SGCZ: variants seen among roughly 807,000 people sequenced by gnomAD.
The protein encoded by SGCZ is zeta-sarcoglycan.
A neutral mutation model predicts 41.3 loss-of-function variants in SGCZ; 40 were observed. The ratio of observed to expected loss-of-function variants is 0.97; its 90% CI spans 0.75 to 1.26. SGCZ has a LOEUF of 1.26. Ranked by LOEUF, SGCZ falls within the 50% of genes most tolerant of loss-of-function variation. The probability of loss-of-function intolerance (pLI) is 0.00; values close to 1 mark genes in which losing one functional copy is unlikely to be tolerated. For missense variants in SGCZ, 552 were observed against 369.8 expected, an observed-to-expected ratio of 1.49 and a Z score of -4.04; for synonymous variants, 206 against 137.5, an observed-to-expected ratio of 1.50 and a Z score of -3.49.
chr8:14,120,581 T>C (rs1802667372), intron 5 of SGCZ, among the ~76,000 whole-genome samples: 1 of 152,096 alleles, frequency 6.6e-6, no homozygotes, highest in African/African-American at 2.4e-5. Context: ...ATCTATAATA[T>C]GTATATTGTT....
chr8:15,085,009 C>T (rs1805897834), intron 1 of SGCZ, among the ~76,000 whole-genome samples: 1 of 152,084 alleles, frequency 6.6e-6, no homozygotes, highest in African/African-American at 2.4e-5. Flanking sequence ...TACTATTTGC[C>T]AAGTGACCAT....
At chr8:14,636,555 A>C (rs977941282) in intron 1 of SGCZ, among the ~76,000 whole-genome samples, 4 of 151,942 alleles carry the variant, frequency 2.6e-5, no homozygotes, top group Admixed American at 6.6e-5. Context: ...TTAGATGAAT[A>C]GGCTGTCAAT....
intron 1 of SGCZ, among the ~76,000 whole-genome samples, chr8:14,805,246 A>G (rs1419771607): frequency 2.6e-5 from 2 of 77,500 alleles, no homozygotes; most frequent in East Asian, 4.4e-4. Flanking sequence ...CTTTAAATGT[A>G]AATGGACTAA....
intron 1 of SGCZ, among the ~76,000 whole-genome samples, chr8:14,919,528 T>C (rs1799530269): frequency 6.6e-6 from 1 of 152,160 alleles, no homozygotes; most frequent in Non-Finnish European, 1.5e-5. Context: ...AGCACATAAG[T>C]AGAGTCACAT....
chr8:14,113,953 T>A (rs1802447540), intron 5 of SGCZ, among the ~76,000 whole-genome samples: 2 of 152,070 alleles, frequency 1.3e-5, no homozygotes, highest in Admixed American at 1.3e-4. Flanking sequence ...AAGATCTGAA[T>A]CTAAATTATA....
chr8:14,983,192 C>T (rs201696749), intron 1 of SGCZ, among the ~76,000 whole-genome samples: 48 of 135,148 alleles, frequency 3.6e-4, no homozygotes, highest in Non-Finnish European at 4.7e-4. Context: ...TTTCTTTTTT[C>T]TTTTTTTTTT....
At chr8:15,130,914 T>C (rs1807873240) in intron 1 of SGCZ, among the ~76,000 whole-genome samples, 3 of 152,206 alleles carry the variant, frequency 2.0e-5, no homozygotes. Flanking sequence ...ATCCATTTTA[T>C]ATTATTTATT....
In SGCZ at chr8:14,850,678, A is replaced by T. The variant is rs371099566; in HGVS notation, c.40-295752T>A. Among the ~76,000 whole-genome samples the T allele has an allele frequency of 1.2e-4, 18 of 152,300 alleles. No homozygotes were observed. In the South Asian group the frequency reaches 3.7e-3, roughly 32 times the overall value. ...GGCTTTGTGTACCCACCCAAATCTCATCTTGAATTGTAATCCTCATAATCT... is the reference window on the plus strand; with the variant it reads ...GGCTTTGTGTACCCACCCAAATCTCTTCTTGAATTGTAATCCTCATAATCT... On this transcript the variant is annotated intron_variant, in intron 1 of 7. Transcript: ENST00000382080.
intron 2 of SGCZ, among the ~76,000 whole-genome samples, chr8:14,498,216 G>A (rs1159121909): frequency 6.6e-6 from 1 of 152,040 alleles, no homozygotes; most frequent in African/African-American, 2.4e-5. Context: ...AACTTTGTAT[G>A]CCAGCCTTTG....
At chr8:14,409,208 A>G (rs1173627519) in intron 2 of SGCZ, among the ~76,000 whole-genome samples, 2 of 152,158 alleles carry the variant, frequency 1.3e-5, no homozygotes, top group African/African-American at 4.8e-5. Context: ...GCATTTACTT[A>G]TACTAGAAAA....
At chr8:15,066,823 A>G (rs752776603) in intron 1 of SGCZ, among the ~76,000 whole-genome samples, 5 of 152,206 alleles carry the variant, frequency 3.3e-5, no homozygotes, top group African/African-American at 1.2e-4. Context: ...ACTAAGCCCA[A>G]TACATTATCA....
At chr8:14,615,064 A>G (rs11203645) in intron 1 of SGCZ, among the ~76,000 whole-genome samples, 126,907 of 151,950 alleles carry the variant, frequency 0.84, 53,360 homozygotes, top group East Asian at 0.88. Flanking sequence ...GAATTTTGTG[A>G]AAGTTTAACA....
chr8:14,772,628 T>A (rs1800281086), intron 1 of SGCZ, among the ~76,000 whole-genome samples: 1 of 135,932 alleles, frequency 7.4e-6, no homozygotes, highest in Non-Finnish European at 1.5e-5. Flanking sequence ...CCTTCCTGGG[T>A]CCATGTGTTC....
intron 2 of SGCZ, among the ~76,000 whole-genome samples, chr8:14,489,500 T>C (rs6992267): frequency 0.022 from 3,284 of 152,238 alleles, 124 homozygotes; most frequent in African/African-American, 0.074. Flanking sequence ...TGTGAGTGCA[T>C]GTGCCTGTGG....
intron 2 of SGCZ, among the ~76,000 whole-genome samples, chr8:14,553,705 G>C (rs1178742045): frequency 1.3e-5 from 2 of 152,108 alleles, no homozygotes; most frequent in Non-Finnish European, 2.9e-5. Flanking sequence ...GTGTTTCCGA[G>C]TTAGAATTAA....
intron 1 of SGCZ, among the ~76,000 whole-genome samples, chr8:14,922,081 G>A (rs186621560): frequency 3.2e-4 from 48 of 152,140 alleles, no homozygotes; most frequent in African/African-American, 1.0e-3. Context: ...CAAGCCAAGT[G>A]GTGCTTAATC....
intron 2 of SGCZ, among the ~76,000 whole-genome samples, chr8:14,507,746 T>C (rs1802346159): frequency 7.2e-6 from 1 of 139,480 alleles, no homozygotes; most frequent in South Asian, 2.2e-4. Context: ...ATTGCTGTTT[T>C]TGTTTGTTTG....
chr8:14,308,898 G>T (rs1801432871), intron 3 of SGCZ: 1 of 446,878 alleles, frequency 2.2e-6, no homozygotes, highest in Admixed American at 3.9e-5. Context: ...TATTCGCAAA[G>T]AAATACATTT....
chr8:14,588,972 G>T (rs1003131796), intron 1 of SGCZ, among the ~76,000 whole-genome samples: 1 of 152,102 alleles, frequency 6.6e-6, no homozygotes, highest in African/African-American at 2.4e-5. Flanking sequence ...TATGGTGTAT[G>T]ATGAGTACAA....
Sources: allele counts gnomAD v4.1 joint callset (sites outside exome capture counted in the v4.1 genomes callset), GRCh38; gene constraint gnomAD v4.1.1; transcripts MANE v1.5; gene names NCBI Gene and HGNC (gene_info 2026-07-23, HGNC 2026-07-21).